The following LPAR1 variants were observed in gnomAD, a reference collection of about 807,000 sequenced individuals.
LPAR1 encodes the protein LPA receptor 1.
In LPAR1, 5 loss-of-function variants were observed where a neutral mutation model predicts 23.8. That is an observed-to-expected ratio of 0.21 (90% CI 0.11 to 0.44). The LOEUF is 0.44. Ranked by LOEUF, LPAR1 falls within the 20% of genes least tolerant of loss-of-function variation. The pLI is 0.99. For missense variants in LPAR1, 311 were observed against 482.8 expected, an observed-to-expected ratio of 0.64 and a Z score of 3.33; for synonymous variants, 160 against 164.7, an observed-to-expected ratio of 0.97 and a Z score of 0.22.
chr9:110,955,940 A>C (rs1050383294), intron 4 of LPAR1, among the ~76,000 whole-genome samples: 5 of 152,144 alleles, frequency 3.3e-5, no homozygotes, highest in Admixed American at 2.0e-4. Flanking sequence ...AAATTCCTAC[A>C]TCAAAAAACT....
At chr9:110,944,275 T>C (rs1297726187) in intron 4 of LPAR1, among the ~76,000 whole-genome samples, 1 of 152,208 alleles carries the variant, frequency 6.6e-6, no homozygotes, top group African/African-American at 2.4e-5. Context: ...CCCTCTACAC[T>C]AGGCTATGAA....
intron 2 of LPAR1, among the ~76,000 whole-genome samples, chr9:111,016,751 A>G (rs1588879383): frequency 6.6e-6 from 1 of 152,386 alleles, no homozygotes; most frequent in Non-Finnish European, 1.5e-5. Context: ...AAAAGTATCT[A>G]ATTCAGCACT....
intron 2 of LPAR1, among the ~76,000 whole-genome samples, chr9:111,032,529 T>G (rs1404355908): frequency 6.6e-6 from 1 of 152,154 alleles, no homozygotes; most frequent in East Asian, 1.9e-4. Context: ...GTCAGTTAAG[T>G]GCTCCTGAGA....
chr9:110,956,368 C>A (rs2095750622), intron 4 of LPAR1, among the ~76,000 whole-genome samples: 1 of 149,796 alleles, frequency 6.7e-6, no homozygotes, highest in Non-Finnish European at 1.5e-5. Context: ...GCACATGTAC[C>A]CCAGAACTTA....
chr9:110,918,098 T>TTTG (rs2093344492), intron 5 of LPAR1, among the ~76,000 whole-genome samples: 1 of 152,046 alleles, frequency 6.6e-6, no homozygotes, highest in African/African-American at 2.4e-5. Context: ...TTGTTTGTTT[T>TTTG]TTTGTAGAGA....
intron 5 of LPAR1, among the ~76,000 whole-genome samples, chr9:110,912,914 T>C (rs753576657): frequency 2.6e-5 from 4 of 152,196 alleles, no homozygotes; most frequent in Non-Finnish European, 4.4e-5. Flanking sequence ...ACAGAGCAAC[T>C]GGTCAAACCT....
chr9:110,906,449 A>G (rs1264681202), intron 5 of LPAR1, among the ~76,000 whole-genome samples: 1 of 152,232 alleles, frequency 6.6e-6, no homozygotes, highest in Non-Finnish European at 1.5e-5. Flanking sequence ...TAAGAGTATC[A>G]TCTCCATAAT....
chr9:110,880,449 T>C (rs73655649), intron 5 of LPAR1, among the ~76,000 whole-genome samples: 3,468 of 152,256 alleles, frequency 0.023, 123 homozygotes, highest in African/African-American at 0.074. Context: ...TCCTAACTAG[T>C]TGAACTTTGC....
intron 5 of LPAR1, among the ~76,000 whole-genome samples, chr9:110,922,944 C>T (rs2093741231): frequency 6.6e-6 from 1 of 151,638 alleles, no homozygotes; most frequent in Non-Finnish European, 1.5e-5. Context: ...CACCCATCAA[C>T]CCATCATCCA....
At chr9:110,878,549 C>G (rs900761144) in intron 5 of LPAR1, among the ~76,000 whole-genome samples, 15 of 152,042 alleles carry the variant, frequency 9.9e-5, no homozygotes, top group African/African-American at 3.6e-4. Flanking sequence ...CATTGTGGAC[C>G]CCATCAACAT....
chr9:111,026,960 T>A (rs939412953), intron 2 of LPAR1, among the ~76,000 whole-genome samples: 3 of 152,214 alleles, frequency 2.0e-5, no homozygotes, highest in Non-Finnish European at 4.4e-5. Context: ...CGCATCAATG[T>A]TCATCAGGGA....
At chr9:111,008,150 G>C (rs538953078) in intron 2 of LPAR1, among the ~76,000 whole-genome samples, 1 of 151,298 alleles carries the variant, frequency 6.6e-6, no homozygotes, top group Non-Finnish European at 1.5e-5. Flanking sequence ...CTCCAACCTG[G>C]GCAATAGAAC....
At chr9:110,904,320 A>T (rs2090464162) in intron 5 of LPAR1, among the ~76,000 whole-genome samples, 1 of 152,184 alleles carries the variant, frequency 6.6e-6, no homozygotes, top group Non-Finnish European at 1.5e-5. Context: ...ACCATCTGAT[A>T]CTCAAGACAA....
chr9:110,991,905 C>G (rs957746293), intron 2 of LPAR1, among the ~76,000 whole-genome samples: 2 of 152,022 alleles, frequency 1.3e-5, no homozygotes, highest in African/African-American at 4.8e-5. Context: ...CAGAACCTTT[C>G]TGAAAGACTC....
At chr9:110,893,889 A>G (rs1199276317) in intron 5 of LPAR1, among the ~76,000 whole-genome samples, 2 of 152,130 alleles carry the variant, frequency 1.3e-5, no homozygotes, top group Non-Finnish European at 2.9e-5. Flanking sequence ...CTGGTCTAAG[A>G]CGGAGGAAAA....
At chr9:110,902,120 G>A (rs1273556842) in intron 5 of LPAR1, among the ~76,000 whole-genome samples, 3 of 151,904 alleles carry the variant, frequency 2.0e-5, no homozygotes, top group Non-Finnish European at 2.9e-5. Context: ...CTCACAGAAG[G>A]TCACCCAAGC....
chr9:110,897,296 CA>C (rs2086749576), intron 5 of LPAR1, among the ~76,000 whole-genome samples: 1 of 152,120 alleles, frequency 6.6e-6, no homozygotes, highest in Non-Finnish European at 1.5e-5. Context: ...GATTTAAAAA[CA>C]GGAGTTTCTC....
chr9:110,966,593 C>T (rs2096236532), intron 4 of LPAR1, among the ~76,000 whole-genome samples: 1 of 151,386 alleles, frequency 6.6e-6, no homozygotes, highest in South Asian at 2.1e-4. Context: ...TATCCCAGAA[C>T]TTAAAGTAAA....
intron 5 of LPAR1, among the ~76,000 whole-genome samples, chr9:110,897,863 T>C (rs541311509): frequency 1.3e-5 from 2 of 152,156 alleles, no homozygotes; most frequent in Admixed American, 1.3e-4. Flanking sequence ...AGGATCATTG[T>C]CTCTGCATCA....
Sources: gnomAD v4.1 joint callset for allele counts (sites outside exome capture counted in the v4.1 genomes callset) on GRCh38, gnomAD v4.1.1 for gene constraint, MANE v1.5 for transcripts, NCBI Gene and HGNC (gene_info 2026-07-23, HGNC 2026-07-21) for gene names.